CDC42BPB: variants seen among roughly 807,000 people sequenced by gnomAD.
CDC42BPB encodes serine/threonine-protein kinase MRCK beta.
Under a neutral mutation model 214.9 loss-of-function variants are expected in CDC42BPB, and 37 were observed. The ratio of observed to expected loss-of-function variants is 0.17; its 90% CI spans 0.13 to 0.23. The LOEUF (loss-of-function observed/expected upper bound fraction) is 0.23. Ranked by LOEUF, CDC42BPB falls within the 10% of genes least tolerant of loss-of-function variation. The probability of loss-of-function intolerance (pLI) is 1.00; values close to 1 mark genes in which losing one functional copy is unlikely to be tolerated. For synonymous variants in CDC42BPB, 931 were observed against 884.0 expected (o/e 1.05, Z -0.94); for missense variants, 1,694 against 2,227.0 (o/e 0.76, Z 4.82).
intron 24 of CDC42BPB, chr14:102,950,856 C>A (rs1892457835): frequency 5.4e-6 from 1 of 185,408 alleles, no homozygotes; most frequent in African/African-American, 2.4e-5. Context: ...ATCCCAGCTA[C>A]TCGGGAGGCT....
chr14:103,009,970 C>T (rs1886055075), intron 2 of CDC42BPB, among the ~76,000 whole-genome samples: 1 of 152,166 alleles, frequency 6.6e-6, no homozygotes, highest in African/African-American at 2.4e-5. Context: ...AGCAAGATCC[C>T]TGTCTCTACT....
At chr14:102,957,575 G>T (rs1056527473) in intron 21 of CDC42BPB, among the ~76,000 whole-genome samples, 4 of 152,220 alleles carry the variant, frequency 2.6e-5, no homozygotes, top group African/African-American at 9.6e-5. Flanking sequence ...CGGTTAAATA[G>T]ATTTGCTTCT....
chr14:102,999,453 T>C, intron 5 of CDC42BPB, 112 bp downstream of exon 5: 5 of 995,142 alleles, frequency 5.0e-6, no homozygotes, highest in Non-Finnish European at 6.2e-6. Flanking sequence ...CAGCTCAAAG[T>C]GGGGACTCGC....
intron 5 of CDC42BPB, among the ~76,000 whole-genome samples, chr14:102,995,848 C>T (rs1307605189): frequency 6.6e-6 from 1 of 152,192 alleles, no homozygotes; most frequent in Admixed American, 6.5e-5. Flanking sequence ...TCTTTCTGAC[C>T]CTACCAAATG....
At chr14:103,008,916 C>T (rs550925260) in intron 2 of CDC42BPB, among the ~76,000 whole-genome samples, 47 of 152,330 alleles carry the variant, frequency 3.1e-4, no homozygotes, top group Admixed American at 4.6e-4. Context: ...GCACTCAGCG[C>T]GCGGCCACCA....
intron 9 of CDC42BPB, among the ~76,000 whole-genome samples, chr14:102,977,631 G>C (rs762160204): frequency 4.1e-4 from 62 of 152,214 alleles, no homozygotes; most frequent in Non-Finnish European, 4.7e-4. Context: ...TCTGATGGAA[G>C]CCAGCTCTCA....
In CDC42BPB at chr14:102,954,637, G is replaced by C. The variant is rs547015130; in HGVS notation, c.2953C>G (p.Pro985Ala). The C allele has an allele frequency of 2.5e-6, 4 of 1,614,030 alleles. No homozygotes were observed. The highest frequency in any genetic ancestry group is 3.4e-6 in the Non-Finnish European group (4 of 1,179,956). ...ETQAPKPEAS[P>A]SMSVAASEQQ... is the part of the protein sequence containing the mutation. ...TCTGATGCAGCCACAGACATCGACGGGGACGCTTCTGGCTTCGGAGCTTGT... is the reference window on the plus strand; with the variant it reads ...TCTGATGCAGCCACAGACATCGACGCGGACGCTTCTGGCTTCGGAGCTTGT... Residue 985 changes from proline (P) to alanine (A), a missense_variant, in exon 22 of 37, where the codon CCG (proline) becomes GCG (alanine). Pro to Ala is a conservative substitution (Grantham distance 27). Around this residue, in one of 7 missense-constraint regions of CDC42BPB, gnomAD observed 156 missense variants for 154.5 expected, o/e 1.01. Coordinates refer to ENST00000361246, the MANE Select transcript of CDC42BPB (RefSeq NM_006035.4).
At chr14:102,985,772 G>T (rs35184492) in intron 6 of CDC42BPB, among the ~76,000 whole-genome samples, 1,782 of 152,362 alleles carry the variant, frequency 0.012, 42 homozygotes, top group African/African-American at 0.041. Context: ...CTCCAAACAT[G>T]TAAGAACAAA....
Position 102,999,721 on chromosome 14 carries a change from T to G in CDC42BPB, c.448-8A>C. On this transcript the variant is annotated splice_region_variant and splice_polypyrimidine_tract_variant and intron_variant, in intron 4 of 36. Transcript: ENST00000361246. ...GTAATCCATGACTAAGTACTACAAA[T>G]TGGAAAGAGAAGGGGAGAGAATACC... is the stretch of plus-strand genomic sequence containing the variant. 2 of 1,613,880 alleles carry G rather than the reference T, an allele frequency of 1.2e-6. No individual in the cohort carries two copies. The highest frequency in any genetic ancestry group is 2.2e-5 in the South Asian group (2 of 91,060).
chr14:102,947,672 T>C, intron 27 of CDC42BPB, 49 bp downstream of exon 27: 1 of 1,463,746 alleles, frequency 6.8e-7, no homozygotes, highest in East Asian at 2.3e-5. Flanking sequence ...CCTAGAACAA[T>C]CAGTTTTAAC....
In CDC42BPB at chr14:102,968,522, C is replaced by A. The variant is rs1433482900; in HGVS notation, c.2190G>T (p.Gln730His). 1 of 1,614,082 alleles carries A rather than the reference C, an allele frequency of 6.2e-7. No individual in the cohort carries two copies. Among genetic ancestry groups the A allele is most frequent in the Non-Finnish European group, 8.5e-7 (1 of 1,180,056 alleles). Residue 730 changes from glutamine (Q) to histidine (H), a missense_variant, in exon 15 of 37, where the codon CAG (glutamine) becomes CAT (histidine). By Grantham distance (24) the Gln-to-His change is conservative. This residue lies in a region of CDC42BPB where 462 missense variants were observed against 513.5 expected (regional missense o/e 0.90). Transcript: ENST00000361246. ...HDSESHQLALQKEILMLKDKL... is the reference protein window; with the variant it reads ...HDSESHQLALHKEILMLKDKL... Reference sequence around the variant, plus strand: ...TATCTTTTAACATCAAGATTTCTTTCTGCAGGGCCAGCTGGTGGCTTTCTG... The same window carrying A: ...TATCTTTTAACATCAAGATTTCTTTATGCAGGGCCAGCTGGTGGCTTTCTG...
At chr14:103,005,386 A>G (rs1895190525) in intron 3 of CDC42BPB, among the ~76,000 whole-genome samples, 1 of 152,186 alleles carries the variant, frequency 6.6e-6, no homozygotes, top group African/African-American at 2.4e-5. Context: ...TATTTCTTCT[A>G]CAAGGTTTTC....
chr14:102,974,149 T>A lies in CDC42BPB; in HGVS notation c.1508A>T (p.Asp503Val), dbSNP rs1212006380. 5 of 1,613,134 alleles carry A rather than the reference T, an allele frequency of 3.1e-6. No homozygotes were observed. The Admixed American group carries it at 5.0e-5, about 16-fold the overall frequency. Reference sequence around the variant, plus strand: ...AAGCTGTCGCTCGAGCCTGTTTGAATCTGGACAAAAGAGGAAATAAACTCT... The same window carrying A: ...AAGCTGTCGCTCGAGCCTGTTTGAAACTGGACAAAAGAGGAAATAAACTCT... ...EIERLKNKIADSNRLERQLED... is the reference protein window; with the variant it reads ...EIERLKNKIAVSNRLERQLED... The change falls in exon 12 of 37, where the codon GAT becomes GTT. Residue 503 changes from aspartate (D) to valine (V), a missense_variant and splice_region_variant. Physicochemically the swap from Asp to Val is radical, Grantham distance 152. This residue lies in a region of CDC42BPB where 462 missense variants were observed against 513.5 expected (regional missense o/e 0.90). Transcript: ENST00000361246.
At chr14:102,934,926 C>T (rs1196417445) in intron 36 of CDC42BPB, among the ~76,000 whole-genome samples, 6 of 150,454 alleles carry the variant, frequency 4.0e-5, no homozygotes, top group Non-Finnish European at 8.8e-5. Flanking sequence ...AGGAGAATGG[C>T]GTGAACCCAG....
In CDC42BPB at chr14:103,004,222, G is replaced by A; in HGVS notation, c.352-199C>T. On this transcript the variant is annotated intron_variant, in intron 3 of 36. Coordinates refer to ENST00000361246, the MANE Select transcript of CDC42BPB (RefSeq NM_006035.4). The surrounding 1 kb of genome is among the most constrained non-coding windows in gnomAD (Gnocchi z 5.3). ...TTCCTCTCCCAAGCCCCGTGCAAGT[G>A]CCAAGGGCTGCTGAGGAGGCACTTG... The A allele has an allele frequency of 3.8e-6, 5 of 1,303,266 alleles. No homozygotes were observed. Among genetic ancestry groups the A allele is most frequent in the Non-Finnish European group, 4.9e-6 (5 of 1,020,242 alleles). 80.7% of individuals were successfully genotyped at this position (1,303,266 alleles called of 1,614,324 possible). A position where few individuals can be genotyped will look rare whatever the true frequency, so the allele number is the denominator to read the frequency against.
chr14:102,949,909 G>T lies in CDC42BPB; in HGVS notation c.3310-5C>A. On this transcript the variant is annotated splice_polypyrimidine_tract_variant and splice_region_variant and intron_variant, in intron 25 of 36. Coordinates refer to ENST00000361246, the MANE Select transcript of CDC42BPB (RefSeq NM_006035.4). ...CACCCCCGTGGGCTTTGGGACCTAT[G>T]AATAAAAACAAACAGTGGCCACGTT... is the stretch of plus-strand genomic sequence containing the variant. 6.2e-7 allele frequency: 1 copy of T among 1,612,954 alleles called. No homozygotes were observed. The highest frequency in any genetic ancestry group is 1.1e-5 in the South Asian group (1 of 91,064).
In CDC42BPB at chr14:102,944,655, C is replaced by G; in HGVS notation, c.3812-168G>C. On this transcript the variant is annotated intron_variant, in intron 29 of 36. Transcript: ENST00000361246. The surrounding 1 kb of genome is among the most constrained non-coding windows in gnomAD (Gnocchi z 6.6). ...CCTGAGCCCGTCTCTGCCCACAGAG[C>G]CAGTGGCTTGAACGCCCCCCGGAGA... 1.0e-6 allele frequency: 1 copy of G among 985,332 alleles called. No homozygotes were observed. Among genetic ancestry groups the G allele is most frequent in the South Asian group, 4.7e-5 (1 of 21,284 alleles). 61.0% of individuals were successfully genotyped at this position (985,332 alleles called of 1,614,324 possible). A position where few individuals can be genotyped will look rare whatever the true frequency, so the allele number is the denominator to read the frequency against.
chr14:102,955,279 C>T (rs1262249033), intron 21 of CDC42BPB, among the ~76,000 whole-genome samples: 2 of 152,104 alleles, frequency 1.3e-5, no homozygotes, highest in Non-Finnish European at 2.9e-5. Context: ...AAAAATTAGC[C>T]GGGTGTGCTA....
chr14:102,961,094 A>G (rs532775937), intron 20 of CDC42BPB, among the ~76,000 whole-genome samples: 485 of 152,140 alleles, frequency 3.2e-3, no homozygotes, highest in Non-Finnish European at 4.6e-3. Flanking sequence ...TTGAGCCCAG[A>G]AAGTTGAGGC....
Sources: gnomAD v4.1 joint callset for allele counts (sites outside exome capture counted in the v4.1 genomes callset) on GRCh38, gnomAD v4.1.1 for gene constraint, gnomAD v4.1.1 regional missense constraint, Gnocchi (gnomAD v3.1) non-coding constraint, MANE v1.5 for transcripts, NCBI Gene and HGNC (gene_info 2026-07-23, HGNC 2026-07-21) for gene names.